SLCO3A1: variants seen among roughly 807,000 people sequenced by gnomAD.
SLCO3A1 encodes PGE1 transporter.
In SLCO3A1, 27 loss-of-function variants were observed where a neutral mutation model predicts 63.1. The ratio of observed to expected loss-of-function variants is 0.43; its 90% CI spans 0.32 to 0.59. SLCO3A1 has a LOEUF of 0.59. Ranked by LOEUF, SLCO3A1 falls within the 20% of genes least tolerant of loss-of-function variation. SLCO3A1 has a pLI of 0.09. For synonymous variants in SLCO3A1, 473 were observed against 409.9 expected (o/e 1.15, Z -1.86); for missense variants, 773 against 945.8 (o/e 0.82, Z 2.40).
Position 92,163,615 on chromosome 15 carries a change from C to A in SLCO3A1, c.*480C>A, listed in dbSNP as rs991094862. 1.0e-6 allele frequency: 1 copy of A among 984,994 alleles called. No individual in the cohort carries two copies. The highest frequency in any genetic ancestry group is 1.2e-6 in the Non-Finnish European group (1 of 829,838). The allele number at this position is 984,994 out of a possible 1,614,324, so 61.0% of individuals were successfully genotyped here. On this transcript the variant is annotated 3_prime_UTR_variant, in exon 10 of 10. Coordinates refer to ENST00000318445, the MANE Select transcript of SLCO3A1 (RefSeq NM_013272.4). ...CAGATTAAGCACTAGTGACACACCC[C>A]GTGCCACCCTCTTCCTCCAGGTGGG...
chr15:92,016,885 T>C (rs998918740), intron 2 of SLCO3A1, among the ~76,000 whole-genome samples: 1 of 152,206 alleles, frequency 6.6e-6, no homozygotes, highest in African/African-American at 2.4e-5. Flanking sequence ...AAGTGAGTTA[T>C]GTGGGATTAA....
intron 2 of SLCO3A1, among the ~76,000 whole-genome samples, chr15:92,009,749 T>C (rs1212770869): frequency 6.6e-6 from 1 of 152,222 alleles, no homozygotes; most frequent in African/African-American, 2.4e-5. Context: ...TGTTAGCTAC[T>C]ATCAGTGTGG....
intron 4 of SLCO3A1, among the ~76,000 whole-genome samples, chr15:92,112,649 C>T (rs978405607): frequency 2.6e-5 from 4 of 152,226 alleles, no homozygotes; most frequent in African/African-American, 7.2e-5. Context: ...AGCTGGTCCT[C>T]CTGCATTTGT....
intron 2 of SLCO3A1, among the ~76,000 whole-genome samples, chr15:92,024,919 A>G (rs2046552734): frequency 6.6e-6 from 1 of 151,832 alleles, no homozygotes; most frequent in African/African-American, 2.4e-5. Context: ...CCTCCCATCC[A>G]TCCCTCCATC....
chr15:91,864,960 C>T (rs1265817744), intron 1 of SLCO3A1, among the ~76,000 whole-genome samples: 3 of 152,252 alleles, frequency 2.0e-5, no homozygotes, highest in Non-Finnish European at 2.9e-5. Flanking sequence ...TGGGTAGGGA[C>T]TCTGGGAGTC....
At chr15:91,962,354 C>T (rs1900478841) in intron 2 of SLCO3A1, among the ~76,000 whole-genome samples, 1 of 151,876 alleles carries the variant, frequency 6.6e-6, no homozygotes, top group Admixed American at 6.6e-5. Context: ...TGGCACATGC[C>T]TGTGATCCCA....
intron 1 of SLCO3A1, among the ~76,000 whole-genome samples, chr15:91,901,664 AC>A (rs1269562568): frequency 6.6e-6 from 1 of 152,212 alleles, no homozygotes; most frequent in Non-Finnish European, 1.5e-5. Flanking sequence ...AACTTTAAAT[AC>A]ATTGTTTCTA....
At chr15:92,076,559 G>A (rs1055573554) in intron 2 of SLCO3A1, among the ~76,000 whole-genome samples, 22 of 152,150 alleles carry the variant, frequency 1.4e-4, no homozygotes, top group African/African-American at 5.3e-4. Context: ...GATAGACAGT[G>A]CCCCAGGGAC....
At position 92,101,153 on chromosome 15, in the gene SLCO3A1, G is replaced by A. The variant is rs145577684; in HGVS notation, c.746-3126G>A. Among the ~76,000 whole-genome samples, 450 of 152,268 alleles carry A rather than the reference G, an allele frequency of 3.0e-3. 1 individual carries two copies. The highest frequency in any genetic ancestry group is 9.9e-3 in the African/African-American group (411 of 41,532). On this transcript the variant is annotated intron_variant, in intron 3 of 9. Coordinates refer to ENST00000318445, the MANE Select transcript of SLCO3A1 (RefSeq NM_013272.4). ...GAAACAGTGTCTGTAGAGCATTGAC[G>A]GACAATTACCAACAGGTGGAGGGAG...
At position 92,049,549 on chromosome 15, in the gene SLCO3A1, A is replaced by G. The variant is rs114057255; in HGVS notation, c.647-45332A>G. Among the ~76,000 whole-genome samples the G allele has an allele frequency of 1.0e-3, 156 of 152,296 alleles. 2 individuals are homozygous for G. The highest frequency in any genetic ancestry group is 3.4e-3 in the African/African-American group (141 of 41,568). ...TACCAACCAGTGCCTAGGCCACAGC[A>G]TCCTACAAAGTGAAACCACTGGAGA... On this transcript the variant is annotated intron_variant, in intron 2 of 9. Coordinates refer to ENST00000318445, the MANE Select transcript of SLCO3A1 (RefSeq NM_013272.4).
intron 2 of SLCO3A1, among the ~76,000 whole-genome samples, chr15:92,016,722 T>C (rs2151467547): frequency 6.6e-6 from 1 of 151,772 alleles, no homozygotes; most frequent in Admixed American, 6.5e-5. Flanking sequence ...GGATGGGACA[T>C]GAGGAAGAAG....
chr15:91,982,599 C>G (rs569264272), intron 2 of SLCO3A1, among the ~76,000 whole-genome samples: 2 of 152,338 alleles, frequency 1.3e-5, no homozygotes, highest in African/African-American at 2.4e-5. Flanking sequence ...AAGTTCTGTG[C>G]CCTTGCCACG....
chr15:92,112,761 C>A (rs138440548), intron 4 of SLCO3A1, among the ~76,000 whole-genome samples: 3 of 152,128 alleles, frequency 2.0e-5, no homozygotes, highest in African/African-American at 7.2e-5. Context: ...GATATCTTAG[C>A]GCATGAAGGC....
intron 7 of SLCO3A1, among the ~76,000 whole-genome samples, chr15:92,143,653 T>TCG: frequency 7.0e-6 from 1 of 143,316 alleles, no homozygotes. Flanking sequence ...CCTCCTGGTT[T>TCG]TTGTTAAGTT....
intron 1 of SLCO3A1, among the ~76,000 whole-genome samples, chr15:91,867,389 A>G (rs1319395181): frequency 1.3e-5 from 2 of 152,054 alleles, no homozygotes; most frequent in African/African-American, 4.8e-5. Context: ...GGGGGCAAAT[A>G]TAGGGTCCTG....
chr15:91,855,948 G>A (rs1402870762), intron 1 of SLCO3A1, among the ~76,000 whole-genome samples: 17 of 152,114 alleles, frequency 1.1e-4, no homozygotes, highest in Admixed American at 7.2e-4. Flanking sequence ...TGATAAAAGC[G>A]TGGGCTTACT....
intron 2 of SLCO3A1, among the ~76,000 whole-genome samples, chr15:92,026,591 T>C (rs2046576634): frequency 6.6e-6 from 1 of 152,220 alleles, no homozygotes; most frequent in Admixed American, 6.5e-5. Context: ...TGATTTCTGC[T>C]TTCCGTTTTC....
intron 7 of SLCO3A1, among the ~76,000 whole-genome samples, chr15:92,145,225 G>A (rs1043650991): frequency 6.6e-6 from 1 of 152,192 alleles, no homozygotes; most frequent in Non-Finnish European, 1.5e-5. Flanking sequence ...TCAGCTGAGA[G>A]CGTGGGAGAA....
At chr15:92,057,195 G>C (rs545847067) in intron 2 of SLCO3A1, among the ~76,000 whole-genome samples, 1 of 152,294 alleles carries the variant, frequency 6.6e-6, no homozygotes, top group African/African-American at 2.4e-5. Flanking sequence ...TTGCCACCTG[G>C]ACTGCCGGTA....
Sources: gnomAD v4.1 joint callset for allele counts (sites outside exome capture counted in the v4.1 genomes callset) on GRCh38, gnomAD v4.1.1 for gene constraint, MANE v1.5 for transcripts, NCBI Gene and HGNC (gene_info 2026-07-23, HGNC 2026-07-21) for gene names.